The following FHIP1A variants were observed in gnomAD, a reference collection of about 807,000 sequenced individuals.
FHIP1A encodes FHF complex subunit HOOK-interacting protein 1A.
In FHIP1A, 61 loss-of-function variants were observed where a neutral mutation model predicts 88.6. The ratio of observed to expected loss-of-function variants is 0.69; its 90% confidence interval spans 0.56 to 0.85. The LOEUF is 0.85. Among genes scored for constraint, FHIP1A ranks in the 40% least tolerant of loss-of-function variants. The probability of loss-of-function intolerance (pLI) is 0.00; values close to 1 mark genes in which losing one functional copy is unlikely to be tolerated. For synonymous variants in FHIP1A, 478 were observed against 496.0 expected (o/e 0.96, Z 0.48); for missense variants, 1,154 against 1,273.5 (o/e 0.91, Z 1.43).
chr4:151,554,508 A>C (rs973504389), intron 3 of FHIP1A, among the ~76,000 whole-genome samples: 1 of 152,164 alleles, frequency 6.6e-6, no homozygotes. Flanking sequence ...TTAAACTAAA[A>C]GGTTTAGAGG....
chr4:151,477,996 C>T (rs1195839244), intron 2 of FHIP1A, among the ~76,000 whole-genome samples: 1 of 152,032 alleles, frequency 6.6e-6, no homozygotes, highest in African/African-American at 2.4e-5. Context: ...TTCATACGCA[C>T]TATGAATGTA....
chr4:151,621,749 C>G (rs1034256799), intron 7 of FHIP1A, among the ~76,000 whole-genome samples: 1 of 151,420 alleles, frequency 6.6e-6, no homozygotes, highest in African/African-American at 2.4e-5. Flanking sequence ...GTAGTATTGT[C>G]TTATTAATCA....
intron 2 of FHIP1A, among the ~76,000 whole-genome samples, chr4:151,469,618 A>T (rs1053160361): frequency 6.6e-6 from 1 of 152,196 alleles, no homozygotes; most frequent in African/African-American, 2.4e-5. Context: ...AAAGTTCATT[A>T]TGTCTAAAAG....
chr4:151,571,161 A>C (rs565970506), intron 4 of FHIP1A, among the ~76,000 whole-genome samples: 1 of 152,170 alleles, frequency 6.6e-6, no homozygotes, highest in African/African-American at 2.4e-5. Flanking sequence ...TTCATTTTCT[A>C]TCTGCTCCTT....
At chr4:151,530,069 GTT>G (rs1560751329) in intron 3 of FHIP1A, among the ~76,000 whole-genome samples, 3 of 152,128 alleles carry the variant, frequency 2.0e-5, no homozygotes, top group African/African-American at 7.2e-5. Context: ...CTGAGTTTGC[GTT>G]TATTGAAAAT....
chr4:151,447,865 C>A (rs1411771270), intron 1 of FHIP1A, among the ~76,000 whole-genome samples: 3 of 152,116 alleles, frequency 2.0e-5, no homozygotes, highest in Non-Finnish European at 4.4e-5. Context: ...TCAGGAGAAA[C>A]CAACCTTGCC....
At chr4:151,492,900 A>G (rs1444277857) in intron 3 of FHIP1A, among the ~76,000 whole-genome samples, 1 of 152,230 alleles carries the variant, frequency 6.6e-6, no homozygotes, top group Non-Finnish European at 1.5e-5. Flanking sequence ...GCACAAATAG[A>G]TAATCTAAGG....
intron 1 of FHIP1A, among the ~76,000 whole-genome samples, chr4:151,446,341 T>C (rs967787873): frequency 6.6e-6 from 1 of 152,156 alleles, no homozygotes; most frequent in Admixed American, 6.5e-5. Context: ...CTTCTATAAA[T>C]TTTTGCCATA....
chr4:151,413,134 G>T (rs765208500), intron 1 of FHIP1A, among the ~76,000 whole-genome samples: 9 of 152,196 alleles, frequency 5.9e-5, no homozygotes, highest in Non-Finnish European at 1.3e-4. Flanking sequence ...GTATAGCTGT[G>T]CAATAAAATT....
At chr4:151,458,470 G>A (rs1729041341) in intron 2 of FHIP1A, among the ~76,000 whole-genome samples, 1 of 152,160 alleles carries the variant, frequency 6.6e-6, no homozygotes, top group Non-Finnish European at 1.5e-5. Context: ...AGAGGGTAAA[G>A]AAAGTAATAG....
chr4:151,607,179 A>C (rs1024143790), intron 7 of FHIP1A, among the ~76,000 whole-genome samples: 1 of 152,330 alleles, frequency 6.6e-6, no homozygotes, highest in East Asian at 1.9e-4. Context: ...GGAGTGGTGG[A>C]GCCCAAGCAA....
chr4:151,483,389 G>A lies in FHIP1A; in HGVS notation c.-123+741G>A, dbSNP rs1181966971. On this transcript the variant is annotated intron_variant, in intron 3 of 13. Transcript: ENST00000435205. ...AAAACACATTAAAAATTTCATATTA[G>A]TAGGCCTGAAACTAGTGTATCAAAA... Among the ~76,000 whole-genome samples the A allele has an allele frequency of 2.6e-5, 4 of 152,014 alleles. No individual in the cohort carries two copies. The East Asian group carries it at 7.7e-4, about 29-fold the overall frequency.
At chr4:151,440,462 C>T (rs552359680) in intron 1 of FHIP1A, among the ~76,000 whole-genome samples, 1 of 152,238 alleles carries the variant, frequency 6.6e-6, no homozygotes, top group South Asian at 2.1e-4. Context: ...AGTAGCTAGT[C>T]ATCTCCAGTT....
At chr4:151,464,272 G>A (rs1272076095) in intron 2 of FHIP1A, among the ~76,000 whole-genome samples, 13 of 152,150 alleles carry the variant, frequency 8.5e-5, no homozygotes, top group Non-Finnish European at 1.9e-4. Context: ...GACTCCTAGA[G>A]GTAATCAAAT....
chr4:151,424,025 G>A (rs953223442), intron 1 of FHIP1A, among the ~76,000 whole-genome samples: 1 of 152,080 alleles, frequency 6.6e-6, no homozygotes, highest in African/African-American at 2.4e-5. Context: ...TCTCAGGGAA[G>A]CCAGAACGGG....
intron 10 of FHIP1A, among the ~76,000 whole-genome samples, chr4:151,648,509 A>T (rs1225630818): frequency 6.6e-6 from 1 of 152,080 alleles, no homozygotes; most frequent in Non-Finnish European, 1.5e-5. Flanking sequence ...AGAGATTTAG[A>T]GCATGAAGAG....
chr4:151,515,875 C>G (rs1731216318), intron 3 of FHIP1A, among the ~76,000 whole-genome samples: 1 of 152,088 alleles, frequency 6.6e-6, no homozygotes, highest in Admixed American at 6.6e-5. Flanking sequence ...CCATACTGCC[C>G]AAGGTAATTT....
intron 1 of FHIP1A, among the ~76,000 whole-genome samples, chr4:151,445,779 T>A (rs2126569208): frequency 6.7e-6 from 1 of 149,254 alleles, no homozygotes; most frequent in Non-Finnish European, 1.5e-5. Context: ...TGCTTGAATC[T>A]AGGAGTTTGA....
chr4:151,575,534 G>C (rs992073812), intron 4 of FHIP1A, among the ~76,000 whole-genome samples: 2 of 152,174 alleles, frequency 1.3e-5, no homozygotes, highest in African/African-American at 4.8e-5. Context: ...AGGATGTCTA[G>C]TGGCTGTCTT....
Sources: gnomAD v4.1 joint callset for allele counts (sites outside exome capture counted in the v4.1 genomes callset) on GRCh38, gnomAD v4.1.1 for gene constraint, MANE v1.5 for transcripts, NCBI Gene and HGNC (gene_info 2026-07-23, HGNC 2026-07-21) for gene names.